The following GRK5 variants were observed in gnomAD, a reference collection of about 807,000 sequenced individuals.
The protein encoded by GRK5 is G protein-coupled receptor kinase 5, also known as g protein-coupled receptor kinase GRK5.
In GRK5, 40 loss-of-function variants were observed where a neutral mutation model predicts 78.4. That is an observed-to-expected ratio of 0.51 (90% CI 0.40 to 0.66). The LOEUF (loss-of-function observed/expected upper bound fraction) is 0.66, where lower values mean the gene tolerates loss of function less well. Among genes scored for constraint, GRK5 ranks in the 30% least tolerant of loss-of-function variants. GRK5 has a pLI of 0.00. For synonymous variants in GRK5, 289 were observed against 296.8 expected (o/e 0.97, Z 0.27); for missense variants, 598 against 759.9 (o/e 0.79, Z 2.50).
chr10:119,326,386 G>T lies in GRK5; in HGVS notation c.53-130G>T, dbSNP rs116973720. On this transcript the variant is annotated intron_variant, in intron 1 of 15. Coordinates refer to ENST00000392870, the MANE Select transcript of GRK5 (RefSeq NM_005308.3). ...GTGTTTGTGTGTGTCTTGGGCTGGG[G>T]GTGTGTCACTGGCTTGGCCTACAGC... 1.3e-4 allele frequency: 92 copies of T among 687,442 alleles called. No individual in the cohort carries two copies. In the East Asian group the frequency reaches 2.2e-3, roughly 17 times the overall value. 42.6% of individuals were successfully genotyped at this position (687,442 alleles called of 1,614,324 possible).
intron 2 of GRK5, among the ~76,000 whole-genome samples, chr10:119,346,979 G>T (rs1851106155): frequency 6.6e-6 from 1 of 152,194 alleles, no homozygotes; most frequent in Non-Finnish European, 1.5e-5. Context: ...GCTGTGTTTT[G>T]AGTTCATTTT....
intron 1 of GRK5, among the ~76,000 whole-genome samples, chr10:119,309,808 C>G (rs1220869867): frequency 6.6e-6 from 1 of 152,216 alleles, no homozygotes; most frequent in Non-Finnish European, 1.5e-5. Flanking sequence ...TTGCCTGTCC[C>G]TTGAGCCAGC....
chr10:119,417,895 C>A (rs528534279), intron 4 of GRK5, among the ~76,000 whole-genome samples: 1 of 152,306 alleles, frequency 6.6e-6, no homozygotes, highest in South Asian at 2.1e-4. Context: ...AGAAAAACAT[C>A]CCAGGCAAGT....
rs1403257441 is a variant in GRK5, at chr10:119,455,267, C to T, written c.*200C>T. 1 of 700,078 alleles carries T rather than the reference C, an allele frequency of 1.4e-6. No homozygotes were observed. Among genetic ancestry groups the T allele is most frequent in the South Asian group, 1.5e-5 (1 of 66,742 alleles). The allele number at this position is 700,078 out of a possible 1,614,324, so 43.4% of individuals were successfully genotyped here. On this transcript the variant is annotated 3_prime_UTR_variant, in exon 16 of 16. Transcript: ENST00000392870. The stretch of plus-strand genomic sequence containing the variant: ...CTCAGGTCTGTTTTCCGAGGCGGCC[C>T]CGGCCGGGGTGGATTGGATTTGTCT...
intron 1 of GRK5, among the ~76,000 whole-genome samples, chr10:119,290,279 G>A (rs1005339337): frequency 1.3e-5 from 2 of 150,116 alleles, no homozygotes; most frequent in Non-Finnish European, 3.0e-5. Flanking sequence ...CCTGAGAGGC[G>A]GAGGTTACAA....
chr10:119,371,574 C>T (rs904908099), intron 2 of GRK5, among the ~76,000 whole-genome samples: 1 of 152,200 alleles, frequency 6.6e-6, no homozygotes, highest in Non-Finnish European at 1.5e-5. Flanking sequence ...ACACATGTGG[C>T]CTGCTTCCGA....
chr10:119,249,564 C>G (rs1344637288), intron 1 of GRK5, among the ~76,000 whole-genome samples: 1 of 152,106 alleles, frequency 6.6e-6, no homozygotes, highest in Non-Finnish European at 1.5e-5. Flanking sequence ...ATGGCGCGAT[C>G]TCGGCTCACT....
rs74940237 is a variant in GRK5 at position 119,361,647 on chromosome 10, G to C, written c.149-19168G>C. Among the ~76,000 whole-genome samples the C allele has an allele frequency of 1.8e-3, 274 of 152,250 alleles. 1 individual carries two copies. Among genetic ancestry groups the C allele is most frequent in the Non-Finnish European group, 3.4e-3 (233 of 68,020 alleles). ...GGGCCTATGCTGGGTGCCCGGCAGT[G>C]GGGGAGGCGCAGAGGGGGTTCAGAA... On this transcript the variant is annotated intron_variant, in intron 2 of 15. Transcript: ENST00000392870.
chr10:119,331,156 T>C (rs893628359), intron 2 of GRK5, among the ~76,000 whole-genome samples: 3 of 152,224 alleles, frequency 2.0e-5, no homozygotes, highest in African/African-American at 7.2e-5. Flanking sequence ...GCCCCAGCCC[T>C]GTCTGTCCTT....
intron 1 of GRK5, among the ~76,000 whole-genome samples, chr10:119,237,264 T>C (rs187722230): frequency 2.9e-4 from 44 of 152,292 alleles, no homozygotes; most frequent in Middle Eastern, 3.4e-3. Context: ...GGTTTCATCA[T>C]GTTGGCCAGG....
chr10:119,251,882 C>T (rs12244897), intron 1 of GRK5, among the ~76,000 whole-genome samples: 11,908 of 152,250 alleles, frequency 0.078, 632 homozygotes, highest in Non-Finnish European at 0.12. Flanking sequence ...CCACTCGCCT[C>T]GATTTTGGTG....
chr10:119,422,575 C>T (rs746397551), intron 4 of GRK5, among the ~76,000 whole-genome samples: 1 of 152,226 alleles, frequency 6.6e-6, no homozygotes, highest in Non-Finnish European at 1.5e-5. Flanking sequence ...TCCTCACCAC[C>T]CTCCTCCCTC....
intron 1 of GRK5, among the ~76,000 whole-genome samples, chr10:119,273,640 G>A (rs967883203): frequency 1.2e-4 from 18 of 152,140 alleles, no homozygotes; most frequent in Non-Finnish European, 2.6e-4. Context: ...TTGTCCCCAT[G>A]GGTCACCTAC....
intron 5 of GRK5, among the ~76,000 whole-genome samples, chr10:119,423,646 C>T (rs117908573): frequency 6.6e-6 from 1 of 152,206 alleles, no homozygotes; most frequent in East Asian, 1.9e-4. Flanking sequence ...ATCACCTTGT[C>T]TGCAGGTGGC....
intron 1 of GRK5, among the ~76,000 whole-genome samples, chr10:119,240,269 C>T (rs1849003339): frequency 7.3e-6 from 1 of 137,394 alleles, no homozygotes; most frequent in Admixed American, 8.2e-5. Context: ...GGCAGGATCT[C>T]CGCTCACTGC....
chr10:119,217,071 ATCTT>A lies in GRK5; in HGVS notation c.52+9107_52+9110del, dbSNP rs1848587401. 6.6e-6 allele frequency among the ~76,000 whole-genome samples: 1 copy of A among 152,142 alleles called. No homozygotes were observed. Among genetic ancestry groups the A allele is most frequent in the South Asian group, 2.1e-4 (1 of 4,836 alleles). Reference sequence around the variant, plus strand: ...AAAGTGCTTTTATGTTCCAAAATAAATCTTTCTTCCTTCCTCTCATAATATATGC... The same window carrying A: ...AAAGTGCTTTTATGTTCCAAAATAAATCTTCCTTCCTCTCATAATATATGC... On this transcript the variant is annotated intron_variant, in intron 1 of 15. Transcript: ENST00000392870. This position sits in a 1 kb window ranked among gnomAD's most constrained non-coding sequence, Gnocchi z 4.1.
intron 2 of GRK5, among the ~76,000 whole-genome samples, chr10:119,343,269 G>A (rs1332972213): frequency 6.6e-6 from 1 of 152,002 alleles, no homozygotes; most frequent in African/African-American, 2.4e-5. Flanking sequence ...ACAGATGAGA[G>A]AGAGAGAGAG....
At chr10:119,290,529 A>G (rs1189285334) in intron 1 of GRK5, among the ~76,000 whole-genome samples, 1 of 151,804 alleles carries the variant, frequency 6.6e-6, no homozygotes, top group Non-Finnish European at 1.5e-5. Context: ...GCATCTGACC[A>G]TTTCCTTTTC....
At chr10:119,396,121 G>A (rs1463791669) in intron 3 of GRK5, among the ~76,000 whole-genome samples, 1 of 152,194 alleles carries the variant, frequency 6.6e-6, no homozygotes, top group Non-Finnish European at 1.5e-5. Flanking sequence ...TTTATGATGG[G>A]CCAGGCCCCA....
Sources: allele counts gnomAD v4.1 joint callset (sites outside exome capture counted in the v4.1 genomes callset), GRCh38; gene constraint gnomAD v4.1.1; non-coding constraint Gnocchi (gnomAD v3.1); transcripts MANE v1.5; gene names NCBI Gene and HGNC (gene_info 2026-07-23, HGNC 2026-07-21).